GPN1: variants seen among roughly 807,000 people sequenced by gnomAD.
GPN1 encodes ATP(GTP)-binding protein.
A neutral mutation model predicts 55.9 loss-of-function variants in GPN1; 44 were observed. That is an observed-to-expected ratio of 0.79 (90% CI 0.62 to 1.01). The LOEUF is 1.01. Ranked by LOEUF, GPN1 falls within the 50% of genes least tolerant of loss-of-function variation. The probability of loss-of-function intolerance (pLI) is 0.00; values close to 1 mark genes in which losing one functional copy is unlikely to be tolerated. For synonymous variants in GPN1, 179 were observed against 162.5 expected, an observed-to-expected ratio of 1.10 and a Z score of -0.77; for missense variants, 466 against 462.8, an observed-to-expected ratio of 1.01 and a Z score of -0.06.
At chr2:27,638,745 C>G in intron 8 of GPN1, 140 bp from the exon 9 acceptor site, 1 of 657,922 alleles carries the variant, frequency 1.5e-6, no homozygotes, top group South Asian at 2.0e-5. Context: ...TTCTTTGTGG[C>G]TTGTTGCAAT....
intron 12 of GPN1, among the ~76,000 whole-genome samples, chr2:27,644,543 T>C (rs914723251): frequency 2.7e-5 from 4 of 148,962 alleles, no homozygotes; most frequent in Non-Finnish European, 6.0e-5. Context: ...AATTCACCTA[T>C]TTTTTTTTAT....
chr2:27,649,925 T>C (rs1674444525), intron 13 of GPN1, among the ~76,000 whole-genome samples, 190 bp from the exon 14 acceptor site: 1 of 152,218 alleles, frequency 6.6e-6, no homozygotes, highest in East Asian at 1.9e-4. Flanking sequence ...AGGTATTCTT[T>C]CTACTTATAA....
Position 27,650,176 on chromosome 2 carries a change from A to G in GPN1, c.1101A>G (p.Gln367=), listed in dbSNP as rs764179267. 6.2e-7 allele frequency: 1 copy of G among 1,600,172 alleles called. No individual in the cohort carries two copies. The highest frequency in any genetic ancestry group is 1.1e-5 in the South Asian group (1 of 90,766). ...FQNFMQESMA[Q]YWKRNNK is the part of the protein sequence containing the mutation. Reference sequence around the variant, plus strand: ...ATTTTATGCAAGAATCGATGGCACAATACTGGAAGAGAAACAATAAATAGG... The same window carrying G: ...ATTTTATGCAAGAATCGATGGCACAGTACTGGAAGAGAAACAATAAATAGG... Residue 367 remains glutamine, a synonymous_variant, in exon 14 of 14, where the codon CAA becomes CAG. Coordinates refer to ENST00000610189, the MANE Select transcript of GPN1 (RefSeq NM_007266.4).
chr2:27,641,353 G>C (rs1673942699), intron 11 of GPN1, 74 bp downstream of exon 11: 18 of 1,078,794 alleles, frequency 1.7e-5, no homozygotes, highest in Non-Finnish European at 2.4e-5. Flanking sequence ...TGACATAAGT[G>C]CTTTTGTTTT....
chr2:27,646,265 C>T (rs189217492), intron 12 of GPN1, among the ~76,000 whole-genome samples: 1 of 152,346 alleles, frequency 6.6e-6, no homozygotes, highest in African/African-American at 2.4e-5. Flanking sequence ...TGGTCTTGAA[C>T]TCCTGACCTC....
At position 27,631,059 on chromosome 2, in the gene GPN1, A is replaced by G; in HGVS notation, c.238A>G (p.Met80Val). The part of the protein sequence containing the change: ...IRDTVKYKEV[M>V]KQYGLGPNGG... ...TGATACTGTAAAGTATAAAGAAGTAATGAAACAGTATCCTTTTCCATCTAC... is the reference window on the plus strand; with the variant it reads ...TGATACTGTAAAGTATAAAGAAGTAGTGAAACAGTATCCTTTTCCATCTAC... The change falls in exon 3 of 14, where the codon ATG (methionine) becomes GTG (valine). Residue 80 changes from methionine (M) to valine (V), a missense_variant. Met to Val is a conservative substitution (Grantham distance 21, BLOSUM62 1). Coordinates refer to ENST00000610189, the MANE Select transcript of GPN1 (RefSeq NM_007266.4). 1 of 1,378,002 alleles carries G rather than the reference A, an allele frequency of 7.3e-7. No homozygotes were observed. The highest frequency in any genetic ancestry group is 1.0e-6 in the Non-Finnish European group (1 of 966,562). The allele number at this position is 1,378,002 out of a possible 1,614,324, so 85.4% of individuals were successfully genotyped here.
intron 5 of GPN1, among the ~76,000 whole-genome samples, chr2:27,633,422 C>T (rs1412735615): frequency 6.6e-6 from 1 of 152,206 alleles, no homozygotes. Flanking sequence ...CCTCCCACCT[C>T]AGCCTCCCAA....
At position 27,634,841 on chromosome 2, in the gene GPN1, C is replaced by T. The variant is rs1673670795; in HGVS notation, c.351-5C>T. 6.7e-7 allele frequency: 1 copy of T among 1,495,676 alleles called. No individual in the cohort carries two copies. Among genetic ancestry groups the T allele is most frequent in the Non-Finnish European group, 9.3e-7 (1 of 1,071,830 alleles). The allele number at this position is 1,495,676 out of a possible 1,614,324, so 92.7% of individuals were successfully genotyped here. ...ACACTTCTTTAATGATCTTTCTTGA[C>T]ATAGATATGTGTTGATTGACACACC... On this transcript the variant is annotated splice_polypyrimidine_tract_variant and splice_region_variant and intron_variant, in intron 5 of 13. Transcript: ENST00000610189.
At position 27,650,273 on chromosome 2, in the gene GPN1, C is replaced by T. The variant is rs560157866; in HGVS notation, c.*73C>T. ...CCTCCACGTGAAAGAACTGTTCTTA[C>T]CTCTGAACTGGGGGCTCCCATAAGG... On this transcript the variant is annotated 3_prime_UTR_variant, in exon 14 of 14. Coordinates refer to ENST00000610189, the MANE Select transcript of GPN1 (RefSeq NM_007266.4). The T allele has an allele frequency of 4.4e-4, 363 of 817,364 alleles. 5 individuals are homozygous for T. In the South Asian group the frequency reaches 5.2e-3, roughly 12 times the overall value. The allele number at this position is 817,364 out of a possible 1,614,324, so 50.6% of individuals were successfully genotyped here.
chr2:27,640,911 C>T (rs1181960943), intron 10 of GPN1, among the ~76,000 whole-genome samples: 4 of 152,164 alleles, frequency 2.6e-5, no homozygotes, highest in Non-Finnish European at 4.4e-5. Context: ...GTATGTTGCA[C>T]GTCCTGAGCT....
upstream of GPN1, chr2:27,628,517 G>A: frequency 6.4e-7 from 1 of 1,551,608 alleles, no homozygotes; most frequent in Non-Finnish European, 8.7e-7. Flanking sequence ...CAATGTGCAA[G>A]TGTGGAAAGC....
chr2:27,632,964 G>T (rs1304007967), intron 5 of GPN1, among the ~76,000 whole-genome samples: 1 of 152,120 alleles, frequency 6.6e-6, no homozygotes, highest in African/African-American at 2.4e-5. Context: ...CATGCTTGTT[G>T]TCATTAAAGT....
intron 10 of GPN1, among the ~76,000 whole-genome samples, chr2:27,640,619 TAATA>T (rs1227977948): frequency 2.0e-5 from 3 of 152,242 alleles, no homozygotes; most frequent in African/African-American, 4.8e-5. Context: ...GCACATTTTA[TAATA>T]AATGTTATAA....
chr2:27,635,298 C>CTTTTTT (rs1332814038), intron 7 of GPN1, 64 bp downstream of exon 7: 28 of 445,210 alleles, frequency 6.3e-5, no homozygotes, highest in South Asian at 1.3e-4. Context: ...CTTCTTCTTC[C>CTTTTTT]TCTTTTTTTT....
At chr2:27,646,409 G>A (rs563938503) in intron 12 of GPN1, among the ~76,000 whole-genome samples, 150 of 152,278 alleles carry the variant, frequency 9.9e-4, no homozygotes, top group African/African-American at 3.0e-3. Flanking sequence ...TTTCTGGACC[G>A]TTACATCTTA....
In GPN1 at chr2:27,651,505, T is replaced by C. The variant is rs1674549359; in HGVS notation, c.*1305T>C. Reference sequence around the variant, plus strand: ...CTGCAGCAATAAAAGTGTTTTATTATAAAGTATTAATTTTAATGTTCTATA... The same window carrying C: ...CTGCAGCAATAAAAGTGTTTTATTACAAAGTATTAATTTTAATGTTCTATA... On this transcript the variant is annotated 3_prime_UTR_variant, in exon 14 of 14. Coordinates refer to ENST00000610189, the MANE Select transcript of GPN1 (RefSeq NM_007266.4). 1 of 152,360 alleles carries C rather than the reference T, an allele frequency of 6.6e-6. No individual in the cohort carries two copies. The highest frequency in any genetic ancestry group is 2.1e-4 in the South Asian group (1 of 4,838). The allele number at this position is 152,360 out of a possible 1,614,324, so 9.4% of individuals were successfully genotyped here.
intron 11 of GPN1, 60 bp downstream of exon 11, chr2:27,641,339 TTGA>T (rs1673941871): frequency 1.7e-6 from 2 of 1,186,348 alleles, no homozygotes; most frequent in East Asian, 4.7e-5. Context: ...CAGCTCAATC[TTGA>T]TGACATAAGT....
At chr2:27,639,610 CGTG>C (rs768968304) in intron 9 of GPN1, among the ~76,000 whole-genome samples, 1 of 151,996 alleles carries the variant, frequency 6.6e-6, no homozygotes, top group Non-Finnish European at 1.5e-5. Context: ...GCCTTGACCT[CGTG>C]GTCTCAAGGG....
At chr2:27,639,647 G>A (rs1182124022) in intron 9 of GPN1, among the ~76,000 whole-genome samples, 1 of 151,912 alleles carries the variant, frequency 6.6e-6, no homozygotes, top group Non-Finnish European at 1.5e-5. Context: ...AGCTTACCAA[G>A]CAGCTAAGAC....
Sources: allele counts gnomAD v4.1 joint callset (sites outside exome capture counted in the v4.1 genomes callset), GRCh38; gene constraint gnomAD v4.1.1; transcripts MANE v1.5; gene names NCBI Gene and HGNC (gene_info 2026-07-23, HGNC 2026-07-21).